Variants in TRIM60 observed in about 807,000 individuals in gnomAD.
The protein encoded by TRIM60 is tripartite motif-containing protein 60.
For synonymous variants in TRIM60, 189 were observed against 195.2 expected (o/e 0.97, Z 0.27); for missense variants, 524 against 540.8 (o/e 0.97, Z 0.31).
chr4:165,035,430 A>T (rs1733599647), intron 1 of TRIM60, among the ~76,000 whole-genome samples: 1 of 152,236 alleles, frequency 6.6e-6, no homozygotes, highest in African/African-American at 2.4e-5. Flanking sequence ...GGTGTGTGGG[A>T]TGAAGTCTGG....
rs1456169762 is a variant in TRIM60 at position 165,041,051 on chromosome 4, T to G, written c.979T>G (p.Cys327Gly). ...VRYERKKRNI[C>G]YDPRRFYVCP... ...ATATGAAAGAAAAAAACGAAACATT[T>G]GTTATGACCCAAGGAGATTTTATGT... The change falls in exon 3 of 3, where the codon TGT becomes GGT. Residue 327 changes from cysteine (C) to glycine (G), a missense_variant. Coordinates refer to ENST00000512596, the MANE Select transcript of TRIM60 (RefSeq NM_152620.3). 2 of 1,613,864 alleles carry G rather than the reference T, an allele frequency of 1.2e-6. No homozygotes were observed. Among genetic ancestry groups the G allele is most frequent in the Non-Finnish European group, 1.7e-6 (2 of 1,179,970 alleles).
rs143907581 is a variant in TRIM60, at chr4:165,040,898, G to A, written c.826G>A (p.Gly276Ser). The A allele has an allele frequency of 1.2e-3, 1,945 of 1,612,558 alleles. 2 individuals are homozygous for A. Among genetic ancestry groups the A allele is most frequent in the Non-Finnish European group, 1.5e-3 (1,753 of 1,179,172 alleles). ...CTTTTCATTTAGATTAACAAAATAT[G>A]GTTTCAGTCTTCCTCCTCAATATTC... Reference protein sequence around the residue: ...ELFSFRLTKYGFSLPPQYSGL... With the variant: ...ELFSFRLTKYSFSLPPQYSGL... The change falls in exon 3 of 3, where the codon GGT (glycine) becomes AGT (serine). Residue 276 changes from glycine to serine, a missense_variant. Gly to Ser is a moderately conservative substitution (Grantham distance 56). Transcript: ENST00000512596.
chr4:165,041,645 A>G lies in TRIM60; in HGVS notation c.*157A>G. The G allele has an allele frequency of 2.3e-6, 1 of 443,928 alleles. No homozygotes were observed. The highest frequency in any genetic ancestry group is 3.3e-5 in the East Asian group (1 of 30,316). 27.5% of individuals were successfully genotyped at this position (443,928 alleles called of 1,614,324 possible). ...AAGATGTTCATAATGCCACTTTCAT[A>G]TATTCTATGAATATCAATTGTCAGG... On this transcript the variant is annotated 3_prime_UTR_variant, in exon 3 of 3. Transcript: ENST00000512596.
rs1277371256 is a variant in TRIM60, at chr4:165,041,438, A to G, written c.1366A>G (p.Thr456Ala). 1.2e-6 allele frequency: 2 copies of G among 1,603,316 alleles called. No individual in the cohort carries two copies. Residue 456 changes from threonine to alanine, a missense_variant, in exon 3 of 3, where the codon ACA (threonine) becomes GCA (alanine). Coordinates refer to ENST00000512596, the MANE Select transcript of TRIM60 (RefSeq NM_152620.3). Reference sequence around the variant, plus strand: ...CGTTTGGCCTTATTTCTATACTGGAACAGATTCCGAACCTCTTAAAATCTG... The same window carrying G: ...CGTTTGGCCTTATTTCTATACTGGAGCAGATTCCGAACCTCTTAAAATCTG... ...EAVWPYFYTG[T>A]DSEPLKICSV...
At position 165,040,403 on chromosome 4, in the gene TRIM60, G is replaced by C. The variant is rs542540154; in HGVS notation, c.331G>C (p.Asp111His). ...GTTTCTGACCCTCTTCTGTGTTAAA[G>C]ATCTAGAGATCTTATGTACACAGTG... ...NQFLTLFCVK[D>H]LEILCTQCSF... The change falls in exon 3 of 3, where the codon GAT (aspartate) becomes CAT (histidine). Residue 111 changes from aspartate to histidine, a missense_variant. Asp to His is a moderately conservative substitution (Grantham distance 81, BLOSUM62 -1). Transcript: ENST00000512596. The C allele has an allele frequency of 6.2e-7, 1 of 1,614,188 alleles. No homozygotes were observed. Among genetic ancestry groups the C allele is most frequent in the Admixed American group, 1.7e-5 (1 of 60,026 alleles).
Position 165,032,098 on chromosome 4 carries a change from G to A in TRIM60, c.-71G>A, listed in dbSNP as rs1733513259. The A allele has an allele frequency of 6.6e-6, 1 of 152,400 alleles. No homozygotes were observed. The highest frequency in any genetic ancestry group is 6.5e-5 in the Admixed American group (1 of 15,286). 9.4% of individuals were successfully genotyped at this position (152,400 alleles called of 1,614,324 possible). A position where few individuals can be genotyped will look rare whatever the true frequency, so the allele number is the denominator to read the frequency against. ...GCACAGCATCAGGCCTGAGCCGCCG[G>A]TCCAACTGCTCCAGGTAAGCTGGGA... is the stretch of plus-strand genomic sequence containing the variant. On this transcript the variant is annotated 5_prime_UTR_variant, in exon 1 of 3. Transcript: ENST00000512596.
chr4:165,039,974 G>A, intron 2 of TRIM60, 95 bp from the exon 3 acceptor site: 1 of 944,166 alleles, frequency 1.1e-6, no homozygotes, highest in Non-Finnish European at 1.6e-6. Flanking sequence ...AATCTACAAG[G>A]TCTGGGAGGG....
At chr4:165,037,361 G>A (rs1339143105) in intron 1 of TRIM60, among the ~76,000 whole-genome samples, 1 of 151,952 alleles carries the variant, frequency 6.6e-6, no homozygotes, top group African/African-American at 2.4e-5. Flanking sequence ...GTCTCGCTTT[G>A]TTGCCAGGCT....
chr4:165,038,082 C>A (rs1733665019), intron 1 of TRIM60, among the ~76,000 whole-genome samples: 1 of 152,008 alleles, frequency 6.6e-6, no homozygotes, highest in Non-Finnish European at 1.5e-5. Context: ...GGGTGGGAGG[C>A]AGTCAGATTG....
Position 165,040,464 on chromosome 4 carries a change from G to A in TRIM60, c.392G>A (p.Cys131Tyr). 2 of 1,614,178 alleles carry A rather than the reference G, an allele frequency of 1.2e-6. No homozygotes were observed. The highest frequency in any genetic ancestry group is 1.7e-6 in the Non-Finnish European group (2 of 1,180,046). The change falls in exon 3 of 3, where the codon TGC (cysteine) becomes TAC (tyrosine). Residue 131 changes from cysteine to tyrosine, a missense_variant. Transcript: ENST00000512596. The part of the protein sequence containing the change: ...FSTKHQKHYI[C>Y]PIKKAASYHR... ...ACTAAACACCAGAAGCACTACATTT[G>A]CCCTATTAAGAAAGCTGCCTCTTAT...
Position 165,041,367 on chromosome 4 carries a change from A to G in TRIM60, c.1295A>G (p.Asn432Ser). Residue 432 changes from asparagine (N) to serine (S), a missense_variant, in exon 3 of 3, where the codon AAT becomes AGT. Transcript: ENST00000512596. The part of the protein sequence containing the change: ...ELGDLSFYNM[N>S]DRSILYTFND... The stretch of plus-strand genomic sequence containing the variant: ...GGTGATCTTTCCTTTTATAATATGA[A>G]TGATAGGTCTATTCTCTATACTTTT... 6.2e-7 allele frequency: 1 copy of G among 1,614,048 alleles called. No homozygotes were observed. The highest frequency in any genetic ancestry group is 8.5e-7 in the Non-Finnish European group (1 of 1,179,898).
At chr4:165,032,483 A>G (rs935862079) in intron 1 of TRIM60, among the ~76,000 whole-genome samples, 22 of 152,294 alleles carry the variant, frequency 1.4e-4, no homozygotes, top group Admixed American at 1.2e-3. Flanking sequence ...TTCCGACCTC[A>G]GGTGGTCCGC....
chr4:165,034,246 G>T (rs1733570395), intron 1 of TRIM60, among the ~76,000 whole-genome samples: 1 of 151,834 alleles, frequency 6.6e-6, no homozygotes, highest in African/African-American at 2.4e-5. Context: ...TCCACCTCCT[G>T]GGTTCAAGCA....
Position 165,041,418 on chromosome 4 carries a change from G to A in TRIM60, c.1346G>A (p.Trp449Ter). The change falls in exon 3 of 3, where the codon TGG (tryptophan) becomes TAG (stop). Residue 449 changes from tryptophan (W) to a stop codon, truncating the protein, a stop_gained. Coordinates refer to ENST00000512596, the MANE Select transcript of TRIM60 (RefSeq NM_152620.3). LOFTEE classifies it low-confidence loss of function (END_TRUNC). Reference sequence around the variant, plus strand: ...AACGATTGTTTCACAGAAGCCGTTTGGCCTTATTTCTATACTGGAACAGAT... The same window carrying A: ...AACGATTGTTTCACAGAAGCCGTTTAGCCTTATTTCTATACTGGAACAGAT... ...TFNDCFTEAVWPYFYTGTDSE... is the reference protein window; with the variant it reads ...TFNDCFTEAV 6.2e-7 allele frequency: 1 copy of A among 1,611,798 alleles called. No individual in the cohort carries two copies. The highest frequency in any genetic ancestry group is 2.2e-5 in the East Asian group (1 of 44,866).
intron 2 of TRIM60, among the ~76,000 whole-genome samples, chr4:165,039,777 C>T (rs1279765316): frequency 7.2e-6 from 1 of 138,626 alleles, no homozygotes; most frequent in Non-Finnish European, 1.5e-5. Context: ...CGCAGTCCGG[C>T]CTGGGCGACA....
At chr4:165,032,191 A>G (rs1223710304) in intron 1 of TRIM60, 79 bp downstream of exon 1, 1 of 152,258 alleles carries the variant, frequency 6.6e-6, no homozygotes, top group Non-Finnish European at 1.5e-5. Flanking sequence ...CTTCCTGAGT[A>G]TCAGCTGTGC....
At chr4:165,033,026 C>CAAA (rs552897039) in intron 1 of TRIM60, among the ~76,000 whole-genome samples, 1 of 82,186 alleles carries the variant, frequency 1.2e-5, no homozygotes, top group Non-Finnish European at 2.9e-5. Context: ...CCTGTCTCTA[C>CAAA]AAAAAAAAAA....
Position 165,041,091 on chromosome 4 carries a change from T to A in TRIM60, c.1019T>A (p.Leu340Gln). The part of the protein sequence containing the change: ...PRRFYVCPAV[L>Q]GSQRFSSGRH... ...AGATTTTATGTCTGCCCTGCTGTCCTAGGCTCTCAGAGATTTAGTTCTGGC... is the reference window on the plus strand; with the variant it reads ...AGATTTTATGTCTGCCCTGCTGTCCAAGGCTCTCAGAGATTTAGTTCTGGC... The change falls in exon 3 of 3, where the codon CTA becomes CAA. Residue 340 changes from leucine (L) to glutamine (Q), a missense_variant. Transcript: ENST00000512596. The A allele has an allele frequency of 6.2e-7, 1 of 1,614,238 alleles. No homozygotes were observed. The highest frequency in any genetic ancestry group is 8.5e-7 in the Non-Finnish European group (1 of 1,180,034).
chr4:165,036,526 C>T (rs924657957), intron 1 of TRIM60, among the ~76,000 whole-genome samples: 2 of 152,026 alleles, frequency 1.3e-5, no homozygotes, highest in African/African-American at 2.4e-5. Flanking sequence ...ATATGAAGCA[C>T]TTTCATAAAG....
Sources: gnomAD v4.1 joint callset for allele counts (sites outside exome capture counted in the v4.1 genomes callset) on GRCh38, gnomAD v4.1.1 for gene constraint, MANE v1.5 for transcripts, NCBI Gene and HGNC (gene_info 2026-07-23, HGNC 2026-07-21) for gene names.